TOR1AIP1: variants seen among roughly 807,000 people sequenced by gnomAD.
TOR1AIP1 encodes torsin 1A interacting protein 1.
A neutral mutation model predicts 63.3 loss-of-function variants in TOR1AIP1; 54 were observed. The observed-to-expected ratio is 0.85, with a 90% confidence interval of 0.69 to 1.07. TOR1AIP1 has a LOEUF of 1.07. Among genes scored for constraint, TOR1AIP1 ranks in the 50% least tolerant of loss-of-function variants. The probability of loss-of-function intolerance (pLI) is 0.00; values close to 1 mark genes in which losing one functional copy is unlikely to be tolerated. For missense variants in TOR1AIP1, 736 were observed against 715.0 expected (o/e 1.03, Z -0.33); for synonymous variants, 294 against 273.5 (o/e 1.07, Z -0.74).
intron 3 of TOR1AIP1, among the ~76,000 whole-genome samples, chr1:179,891,489 C>T (rs1261880617): frequency 1.3e-5 from 2 of 151,972 alleles, no homozygotes; most frequent in Non-Finnish European, 2.9e-5. Context: ...TCCCAAAGTG[C>T]TGGGATTACA....
rs1649132362 is a variant in TOR1AIP1, at chr1:179,919,610, A to G, written c.*1371A>G. ...TATAATTGAGCTTTCTCATCTGTCA[A>G]ATGCTATGGTTTTCTTAAAATGTTA... On this transcript the variant is annotated 3_prime_UTR_variant, in exon 10 of 10. Coordinates refer to ENST00000606911, the MANE Select transcript of TOR1AIP1 (RefSeq NM_015602.4). 1 of 152,198 alleles carries G rather than the reference A, an allele frequency of 6.6e-6. No homozygotes were observed. The highest frequency in any genetic ancestry group is 1.9e-4 in the East Asian group (1 of 5,198). 9.4% of individuals were successfully genotyped at this position (152,198 alleles called of 1,614,324 possible). A position where few individuals can be genotyped will look rare whatever the true frequency, so the allele number is the denominator to read the frequency against.
At chr1:179,884,650 C>A in intron 1 of TOR1AIP1, 42 bp from the exon 2 acceptor site, 1 of 1,498,170 alleles carries the variant, frequency 6.7e-7, no homozygotes, top group South Asian at 1.2e-5. Flanking sequence ...TCTCCCAGGT[C>A]ATATATTCTG....
chr1:179,895,427 C>T (rs1048165545), intron 3 of TOR1AIP1, among the ~76,000 whole-genome samples: 1 of 151,888 alleles, frequency 6.6e-6, no homozygotes, highest in Non-Finnish European at 1.5e-5. Context: ...GGCAATGTGG[C>T]GAAACCTCGT....
intron 1 of TOR1AIP1, 86 bp from the exon 2 acceptor site, chr1:179,884,606 G>A: frequency 3.5e-6 from 4 of 1,136,636 alleles, no homozygotes; most frequent in Non-Finnish European, 5.0e-6. Flanking sequence ...TTTTGCTTAT[G>A]TATTGTTACA....
In TOR1AIP1 at chr1:179,917,969, A is replaced by G; in HGVS notation, c.1482A>G (p.Lys494=). The G allele has an allele frequency of 6.2e-7, 1 of 1,614,254 alleles. No individual in the cohort carries two copies. Among genetic ancestry groups the G allele is most frequent in the South Asian group, 1.1e-5 (1 of 91,082 alleles). The change falls in exon 10 of 10, where the codon AAA becomes AAG. Residue 494 remains lysine (K), a synonymous_variant. Transcript: ENST00000606911. ...FPAGSTLIFY[K]YCDHENAAFK... ...CAGGCTCTACTTTGATCTTCTACAA[A>G]TATTGTGACCATGAAAACGCGGCCT...
Position 179,901,322 on chromosome 1 carries a change from C to G in TOR1AIP1, c.673C>G (p.Gln225Glu). Residue 225 changes from glutamine to glutamate, a missense_variant, in exon 5 of 10, where the codon CAA (glutamine) becomes GAA (glutamate). By Grantham distance (29) the Gln-to-Glu change is conservative. Around this residue, in one of 2 missense-constraint regions of TOR1AIP1, gnomAD observed 464 missense variants for 371.0 expected, o/e 1.25. Coordinates refer to ENST00000606911, the MANE Select transcript of TOR1AIP1 (RefSeq NM_015602.4). ...TTTAGGAGAAACTGAAGAAGATGATCAAGACAGCTCTCACAGCAGTGTCAC... is the reference window on the plus strand; with the variant it reads ...TTTAGGAGAAACTGAAGAAGATGATGAAGACAGCTCTCACAGCAGTGTCAC... ...SEEGETEEDDQDSSHSSVTTV... is the reference protein window; with the variant it reads ...SEEGETEEDDEDSSHSSVTTV... 6.2e-7 allele frequency: 1 copy of G among 1,610,526 alleles called. No homozygotes were observed. The highest frequency in any genetic ancestry group is 8.5e-7 in the Non-Finnish European group (1 of 1,177,984).
In TOR1AIP1 at chr1:179,899,284, A is replaced by C. The variant is rs151305653; in HGVS notation, c.611-842A>C. On this transcript the variant is annotated intron_variant, in intron 3 of 9. Transcript: ENST00000606911. ...ATTTTTTTTTTTTTTAAGTTTCAGA[A>C]TAGCCCATGTAAAAATACTATGTTC... Among the ~76,000 whole-genome samples, 1,409 of 151,138 alleles carry C rather than the reference A, an allele frequency of 9.3e-3. 19 individuals are homozygous for C. Among genetic ancestry groups the C allele is most frequent in the African/African-American group, 0.033 (1,345 of 41,140 alleles).
At chr1:179,907,542 C>A in intron 6 of TOR1AIP1, among the ~76,000 whole-genome samples, 1 of 124,876 alleles carries the variant, frequency 8.0e-6, no homozygotes, top group South Asian at 2.6e-4. Context: ...TTGCCCAATT[C>A]CTAAACATTT....
chr1:179,914,154 T>C, intron 9 of TOR1AIP1, 100 bp downstream of exon 9: 1 of 1,021,860 alleles, frequency 9.8e-7, no homozygotes, highest in South Asian at 1.5e-5. Context: ...TCGATGCTAT[T>C]TGAAGAATCA....
At chr1:179,906,082 C>A (rs1191918601) in intron 6 of TOR1AIP1, among the ~76,000 whole-genome samples, 1 of 152,080 alleles carries the variant, frequency 6.6e-6, no homozygotes, top group Non-Finnish European at 1.5e-5. Context: ...GAAAGAAAAA[C>A]CATCCAGTTA....
chr1:179,883,372 T>C (rs185636286), intron 1 of TOR1AIP1, among the ~76,000 whole-genome samples: 19 of 152,278 alleles, frequency 1.2e-4, no homozygotes, highest in African/African-American at 4.6e-4. Flanking sequence ...TCCATTTCCT[T>C]CTTTAACGCT....
At position 179,917,914 on chromosome 1, in the gene TOR1AIP1, C is replaced by T. The variant is rs201518227; in HGVS notation, c.1427C>T (p.Ala476Val). The T allele has an allele frequency of 2.5e-5, 41 of 1,614,084 alleles. No homozygotes were observed. The highest frequency in any genetic ancestry group is 3.4e-5 in the Non-Finnish European group (40 of 1,180,042). The change falls in exon 10 of 10, where the codon GCT (alanine) becomes GTT (valine). Residue 476 changes from alanine to valine, a missense_variant. By Grantham distance (64) the Ala-to-Val change is moderately conservative. Transcript: ENST00000606911. ...SNGFKNGQNAAVVHRFESFPA... is the reference protein window; with the variant it reads ...SNGFKNGQNAVVVHRFESFPA... Reference sequence around the variant, plus strand: ...GGATTTAAGAATGGCCAGAATGCAGCTGTGGTACACCGCTTTGAGTCATTT... The same window carrying T: ...GGATTTAAGAATGGCCAGAATGCAGTTGTGGTACACCGCTTTGAGTCATTT...
Position 179,882,871 on chromosome 1 carries a change from G to A in TOR1AIP1, c.369G>A (p.Lys123=), listed in dbSNP as rs754364745. Residue 123 remains lysine, a synonymous_variant, in exon 1 of 10, where the codon AAG becomes AAA. Coordinates refer to ENST00000606911, the MANE Select transcript of TOR1AIP1 (RefSeq NM_015602.4). ...GACCCCAGGAAACCGAGGAAATGAA[G>A]ACGCGAAGGACTACCCGCCTTCAGC... ...QPRPQETEEM[K]TRRTTRLQQQ... 3 of 1,614,204 alleles carry A rather than the reference G, an allele frequency of 1.9e-6. No homozygotes were observed. The highest frequency in any genetic ancestry group is 2.2e-5 in the East Asian group (1 of 44,880).
At chr1:179,899,930 C>T (rs962429298) in intron 3 of TOR1AIP1, among the ~76,000 whole-genome samples, 196 bp from the exon 4 acceptor site, 1 of 152,214 alleles carries the variant, frequency 6.6e-6, no homozygotes, top group African/African-American at 2.4e-5. Flanking sequence ...TAGGCGTGAG[C>T]CACTGCACCC....
chr1:179,915,061 G>A (rs1231361220), intron 9 of TOR1AIP1, among the ~76,000 whole-genome samples: 1 of 152,032 alleles, frequency 6.6e-6, no homozygotes, highest in African/African-American at 2.4e-5. Flanking sequence ...TTAAAAAATG[G>A]ATTTGGATTA....
chr1:179,882,694 A>G lies in TOR1AIP1; in HGVS notation c.192A>G (p.Pro64=), dbSNP rs372246976. ...AAGTGAGGTTCTCGGACGAGCCGCC[A>G]GAAGTGTACGGCGACTTCGAGCCCC... ...RREVRFSDEP[P]EVYGDFEPLV... The change falls in exon 1 of 10, where the codon CCA becomes CCG. Residue 64 remains proline (P), a synonymous_variant. Transcript: ENST00000606911. 60 of 1,610,496 alleles carry G rather than the reference A, an allele frequency of 3.7e-5. No individual in the cohort carries two copies. Among genetic ancestry groups the G allele is most frequent in the Non-Finnish European group, 5.0e-5 (59 of 1,178,050 alleles).
In TOR1AIP1 at chr1:179,895,757, G is replaced by A. The variant is rs186194576; in HGVS notation, c.611-4369G>A. Among the ~76,000 whole-genome samples, 409 of 151,788 alleles carry A rather than the reference G, an allele frequency of 2.7e-3. 19 individuals are homozygous for A. Among genetic ancestry groups the A allele is most frequent in the Admixed American group, 0.024 (361 of 15,238 alleles). On this transcript the variant is annotated intron_variant, in intron 3 of 9. Transcript: ENST00000606911. ...TCTACTAAAAATACAAAAATTAGCC[G>A]GGCATGGTGGCACAAGCCTGTAGTC...
At chr1:179,901,248 G>T in intron 4 of TOR1AIP1, 54 bp from the exon 5 acceptor site, 1 of 1,199,606 alleles carries the variant, frequency 8.3e-7, no homozygotes, top group Non-Finnish European at 1.2e-6. Flanking sequence ...TTTAAATTCA[G>T]ATCTTCTGAG....
At chr1:179,906,998 A>G (rs1215491317) in intron 6 of TOR1AIP1, among the ~76,000 whole-genome samples, 1 of 151,380 alleles carries the variant, frequency 6.6e-6, no homozygotes, top group Non-Finnish European at 1.5e-5. Flanking sequence ...TGGCCTCCCA[A>G]AGTGCTAGGA....
Sources: gnomAD v4.1 joint callset for allele counts (sites outside exome capture counted in the v4.1 genomes callset) on GRCh38, gnomAD v4.1.1 for gene constraint, gnomAD v4.1.1 regional missense constraint, MANE v1.5 for transcripts, NCBI Gene and HGNC (gene_info 2026-07-23, HGNC 2026-07-21) for gene names.